ZFPM2: variants seen among roughly 807,000 people sequenced by gnomAD.
ZFPM2 encodes the protein zinc finger protein, FOG family member 2.
In ZFPM2, 20 loss-of-function variants were observed where a neutral mutation model predicts 98.6. The observed-to-expected ratio is 0.20, with a 90% CI of 0.14 to 0.29. ZFPM2 has a LOEUF of 0.29. Among genes scored for constraint, ZFPM2 ranks in the 10% least tolerant of loss-of-function variants. The probability of loss-of-function intolerance (pLI) is 1.00; values close to 1 mark genes in which losing one functional copy is unlikely to be tolerated. For missense variants in ZFPM2, 1,310 were observed against 1,388.6 expected (o/e 0.94, Z 0.90); for synonymous variants, 518 against 502.7 (o/e 1.03, Z -0.41).
chr8:105,660,944 C>T (rs1218125050), intron 5 of ZFPM2, among the ~76,000 whole-genome samples: 1 of 151,912 alleles, frequency 6.6e-6, no homozygotes, highest in Non-Finnish European at 1.5e-5. Flanking sequence ...CTATATATAC[C>T]CTAGTGGTCT....
At chr8:105,334,040 T>C (rs1812280969) in intron 1 of ZFPM2, among the ~76,000 whole-genome samples, 1 of 150,092 alleles carries the variant, frequency 6.7e-6, no homozygotes, top group South Asian at 2.1e-4. Context: ...ATACCAATAA[T>C]TAAAAAAATA....
chr8:105,561,357 C>G lies in ZFPM2; in HGVS notation c.302-6C>G. 6.2e-7 allele frequency: 1 copy of G among 1,611,230 alleles called. No individual in the cohort carries two copies. The highest frequency in any genetic ancestry group is 8.5e-7 in the Non-Finnish European group (1 of 1,177,788). On this transcript the variant is annotated splice_region_variant and splice_polypyrimidine_tract_variant and intron_variant, in intron 3 of 7. Coordinates refer to ENST00000407775, the MANE Select transcript of ZFPM2 (RefSeq NM_012082.4). The stretch of plus-strand genomic sequence containing the variant: ...ATTCTAAACACTTCTGTTCCTTTGT[C>G]TGCAGGAGAGCTGGAGGTGTTTCAG...
intron 2 of ZFPM2, among the ~76,000 whole-genome samples, chr8:105,436,320 G>A: frequency 6.6e-6 from 1 of 152,006 alleles, no homozygotes; most frequent in East Asian, 1.9e-4. Flanking sequence ...GGGAGTTCGA[G>A]ACCAGCCTGA....
chr8:105,439,224 A>G (rs79047433), intron 2 of ZFPM2, among the ~76,000 whole-genome samples: 8,343 of 152,128 alleles, frequency 0.055, 760 homozygotes, highest in African/African-American at 0.19. Context: ...TTCTGCTTAG[A>G]TTTTATTCTC....
chr8:105,495,890 T>G (rs1813456341), intron 3 of ZFPM2, among the ~76,000 whole-genome samples: 1 of 152,240 alleles, frequency 6.6e-6, no homozygotes, highest in Non-Finnish European at 1.5e-5. Context: ...TTGTTTAACT[T>G]TTTGTTTGGA....
chr8:105,730,104 G>A (rs148595988), intron 5 of ZFPM2, among the ~76,000 whole-genome samples: 48 of 151,602 alleles, frequency 3.2e-4, no homozygotes, highest in African/African-American at 1.2e-3. Context: ...TGAGAATAGA[G>A]AAGTGTCAAG....
intron 3 of ZFPM2, among the ~76,000 whole-genome samples, chr8:105,547,139 G>A (rs1763675721): frequency 6.6e-6 from 1 of 152,114 alleles, no homozygotes; most frequent in African/African-American, 2.4e-5. Flanking sequence ...CTCTAGCTAA[G>A]AATTGTGCAT....
chr8:105,632,733 G>A (rs941712773), intron 4 of ZFPM2, among the ~76,000 whole-genome samples: 2 of 152,024 alleles, frequency 1.3e-5, no homozygotes, highest in African/African-American at 4.8e-5. Context: ...TTTTCGCAAG[G>A]CTTTTAGAGA....
intron 4 of ZFPM2, among the ~76,000 whole-genome samples, chr8:105,609,497 T>C (rs1816262008): frequency 6.6e-6 from 1 of 152,138 alleles, no homozygotes. Context: ...GCTACAAGCA[T>C]TTTAATTGTA....
At chr8:105,393,101 A>C (rs937391023) in intron 1 of ZFPM2, among the ~76,000 whole-genome samples, 26 of 152,174 alleles carry the variant, frequency 1.7e-4, no homozygotes, top group African/African-American at 4.8e-4. Flanking sequence ...TTCCATCTGT[A>C]ACATCTGTAA....
intron 1 of ZFPM2, among the ~76,000 whole-genome samples, chr8:105,378,573 G>T (rs1412782560): frequency 2.6e-5 from 4 of 152,062 alleles, no homozygotes; most frequent in African/African-American, 9.7e-5. Context: ...AGGACGCTCG[G>T]TAAATATTTA....
intron 1 of ZFPM2, among the ~76,000 whole-genome samples, chr8:105,417,228 C>T (rs1375716130): frequency 1.3e-5 from 2 of 152,034 alleles, no homozygotes; most frequent in African/African-American, 4.8e-5. Context: ...TAACTAACCT[C>T]GTGAACTTCA....
chr8:105,703,387 A>G (rs1478927778), intron 5 of ZFPM2, among the ~76,000 whole-genome samples: 1 of 152,186 alleles, frequency 6.6e-6, no homozygotes, highest in Non-Finnish European at 1.5e-5. Flanking sequence ...TTAAGGAAAC[A>G]AAGGGGATAG....
chr8:105,771,007 A>G (rs1812969115), intron 5 of ZFPM2, among the ~76,000 whole-genome samples: 1 of 152,140 alleles, frequency 6.6e-6, no homozygotes, highest in Non-Finnish European at 1.5e-5. Context: ...GCAGATGCTC[A>G]GGTGTGAAGT....
intron 3 of ZFPM2, among the ~76,000 whole-genome samples, chr8:105,553,116 T>C (rs2130669307): frequency 6.6e-6 from 1 of 152,226 alleles, no homozygotes; most frequent in South Asian, 2.1e-4. Flanking sequence ...CAGCCCATGG[T>C]GTTGTTTTTA....
intron 3 of ZFPM2, among the ~76,000 whole-genome samples, chr8:105,475,887 A>G (rs1265109542): frequency 6.6e-6 from 1 of 152,216 alleles, no homozygotes; most frequent in Non-Finnish European, 1.5e-5. Context: ...TGAGGAGACA[A>G]ATTAAGAAAG....
intron 3 of ZFPM2, among the ~76,000 whole-genome samples, chr8:105,506,586 T>C (rs908091114): frequency 2.0e-5 from 3 of 152,180 alleles, no homozygotes; most frequent in Admixed American, 6.5e-5. Context: ...GGAAATGACA[T>C]TAAATAAAAT....
intron 4 of ZFPM2, among the ~76,000 whole-genome samples, chr8:105,615,362 T>A (rs1816392221): frequency 1.3e-5 from 2 of 152,100 alleles, no homozygotes; most frequent in South Asian, 4.1e-4. Context: ...CAGAGCAAAC[T>A]CTGAGTTTGT....
At chr8:105,757,619 AT>A (rs916534840) in intron 5 of ZFPM2, among the ~76,000 whole-genome samples, 42 of 152,214 alleles carry the variant, frequency 2.8e-4, no homozygotes, top group African/African-American at 9.4e-4. Context: ...GAATCTATTG[AT>A]TTTTTTAAAG....
Sources: allele counts gnomAD v4.1 joint callset (sites outside exome capture counted in the v4.1 genomes callset), GRCh38; gene constraint gnomAD v4.1.1; transcripts MANE v1.5; gene names NCBI Gene and HGNC (gene_info 2026-07-23, HGNC 2026-07-21).